The following GPR107 variants were observed in gnomAD, a reference collection of about 807,000 sequenced individuals.
The protein encoded by GPR107 is G protein-coupled receptor 107, also known as protein GPR107.
A neutral mutation model predicts 75.5 loss-of-function variants in GPR107; 31 were observed. The ratio of observed to expected loss-of-function variants is 0.41; its 90% confidence interval spans 0.31 to 0.55. The LOEUF is 0.55. Among genes scored for constraint, GPR107 ranks in the 20% least tolerant of loss-of-function variants. The pLI is 0.26. For synonymous variants in GPR107, 267 were observed against 251.3 expected (o/e 1.06, Z -0.59); for missense variants, 572 against 665.7 (o/e 0.86, Z 1.55).
chr9:130,099,489 C>T lies in GPR107; in HGVS notation c.896C>T (p.Ala299Val), dbSNP rs772249004. 5.0e-6 allele frequency: 8 copies of T among 1,601,722 alleles called. No individual in the cohort carries two copies. The highest frequency in any genetic ancestry group is 3.3e-5 in the Admixed American group (2 of 59,970). Residue 299 changes from alanine to valine, a missense_variant, in exon 10 of 18, where the codon GCG (alanine) becomes GTG (valine). Transcript: ENST00000347136. The part of the protein sequence containing the change: ...NDVFKIHWLM[A>V]ALPFTKSLSL... Reference sequence around the variant, plus strand: ...GTATTTAAAATCCACTGGCTGATGGCGGCCCTTCCTTTCACCAAGTCTCTT... The same window carrying T: ...GTATTTAAAATCCACTGGCTGATGGTGGCCCTTCCTTTCACCAAGTCTCTT...
chr9:130,106,596 AAAATAAAT>A (rs34201601), intron 13 of GPR107, among the ~76,000 whole-genome samples: 7 of 131,416 alleles, frequency 5.3e-5, no homozygotes, highest in South Asian at 2.6e-4. Context: ...ACTCTGTCTC[AAAATAAAT>A]AAATAAATAA....
intron 5 of GPR107, among the ~76,000 whole-genome samples, chr9:130,080,996 G>A (rs1830482984): frequency 6.7e-6 from 1 of 150,250 alleles, no homozygotes; most frequent in Non-Finnish European, 1.5e-5. Context: ...GATCACTTGA[G>A]TCTAGGAGCT....
chr9:130,058,194 C>G (rs1829838956), intron 1 of GPR107, among the ~76,000 whole-genome samples: 1 of 152,100 alleles, frequency 6.6e-6, no homozygotes, highest in Non-Finnish European at 1.5e-5. Flanking sequence ...CTTTTAAGAA[C>G]AACTTTATTG....
At chr9:130,104,968 A>ATT (rs1419144204) in intron 13 of GPR107, among the ~76,000 whole-genome samples, 1 of 152,180 alleles carries the variant, frequency 6.6e-6, no homozygotes, top group African/African-American at 2.4e-5. Flanking sequence ...GCACACAAAC[A>ATT]TTTTTGATGT....
At chr9:130,125,597 C>CTTTTTTTT (rs71387321) in intron 15 of GPR107, among the ~76,000 whole-genome samples, 1 of 103,136 alleles carries the variant, frequency 9.7e-6, no homozygotes, top group African/African-American at 3.8e-5. Context: ...ATCTGAGTTC[C>CTTTTTTTT]TTTTTTTTTT....
chr9:130,071,003 G>T (rs567268238), intron 1 of GPR107, among the ~76,000 whole-genome samples: 1 of 143,740 alleles, frequency 7.0e-6, no homozygotes, highest in African/African-American at 2.6e-5. Flanking sequence ...ATAGATGAGA[G>T]TCACCAGGCC....
intron 2 of GPR107, 84 bp downstream of exon 2, chr9:130,075,833 A>C: frequency 3.0e-6 from 2 of 671,896 alleles, no homozygotes; most frequent in South Asian, 3.4e-5. Flanking sequence ...CCCAGGCTGG[A>C]GTGCGGTGGC....
At chr9:130,121,207 C>CAAAAT (rs1175084704) in intron 14 of GPR107, among the ~76,000 whole-genome samples, 2 of 151,942 alleles carry the variant, frequency 1.3e-5, no homozygotes, top group Admixed American at 6.6e-5. Flanking sequence ...CAAAACAAAA[C>CAAAAT]AAAACAAAAC....
chr9:130,065,395 C>G (rs1830044047), intron 1 of GPR107, among the ~76,000 whole-genome samples: 1 of 151,574 alleles, frequency 6.6e-6, no homozygotes, highest in Admixed American at 6.6e-5. Flanking sequence ...CGAGATCGCA[C>G]CATTGCACTC....
rs1326054833 is a variant in GPR107 at position 130,137,900 on chromosome 9, C to T, written c.*2779C>T. 1.3e-5 allele frequency: 2 copies of T among 152,260 alleles called. No individual in the cohort carries two copies. Among genetic ancestry groups the T allele is most frequent in the South Asian group, 4.1e-4 (2 of 4,834 alleles). 9.4% of individuals were successfully genotyped at this position (152,260 alleles called of 1,614,324 possible). A position where few individuals can be genotyped will look rare whatever the true frequency, so the allele number is the denominator to read the frequency against. ...GTGGTATTTATAGCTTTGCTTTGTA[C>T]TCCTCACTGTTTCTGCCTACGCAAA... On this transcript the variant is annotated 3_prime_UTR_variant, in exon 18 of 18. Transcript: ENST00000347136.
In GPR107 at chr9:130,075,490, C is replaced by A. The variant is rs1830321435; in HGVS notation, c.142-146C>A. On this transcript the variant is annotated intron_variant, in intron 1 of 17. Coordinates refer to ENST00000347136, the MANE Select transcript of GPR107 (RefSeq NM_020960.5). ...CAAACTCCTGACCTCAGGTGATCCA[C>A]CCGCCTCAGTCTCCCAAAGTGGTGG... 7 of 528,486 alleles carry A rather than the reference C, an allele frequency of 1.3e-5. No individual in the cohort carries two copies. In the South Asian group the frequency reaches 1.5e-4, roughly 11 times the overall value. 32.7% of individuals were successfully genotyped at this position (528,486 alleles called of 1,614,324 possible).
At chr9:130,104,597 A>G (rs1484640059) in intron 13 of GPR107, 47 bp downstream of exon 13, 1 of 1,535,336 alleles carries the variant, frequency 6.5e-7, no homozygotes, top group East Asian at 2.2e-5. Flanking sequence ...TTGGCTGTCA[A>G]GCCCAATAGC....
intron 16 of GPR107, among the ~76,000 whole-genome samples, chr9:130,128,196 A>C (rs866613664): frequency 4.0e-4 from 61 of 152,340 alleles, no homozygotes; most frequent in Admixed American, 1.1e-3. Flanking sequence ...CCTTTCCTTT[A>C]GTTACAGGGC....
rs549052721 is a variant in GPR107 at position 130,094,680 on chromosome 9, T to TG, written c.863+2300dup. On this transcript the variant is annotated intron_variant, in intron 9 of 17. Transcript: ENST00000347136. The stretch of plus-strand genomic sequence containing the variant: ...TATTTTGTTTTGTTTTGTTTGTTTT[T>TG]GTTTTTTTTTGTTTTTTTGAGACAC... Among the ~76,000 whole-genome samples, 94 of 151,164 alleles carry TG rather than the reference T, an allele frequency of 6.2e-4. 1 individual carries two copies. Among genetic ancestry groups the TG allele is most frequent in the Non-Finnish European group, 1.0e-3 (69 of 67,766 alleles).
intron 1 of GPR107, among the ~76,000 whole-genome samples, chr9:130,064,708 A>G (rs7863473): frequency 3.3e-5 from 5 of 152,018 alleles, no homozygotes; most frequent in African/African-American, 9.7e-5. Context: ...TGCAGTTAAC[A>G]TTAGGTCATA....
intron 10 of GPR107, 99 bp from the exon 11 acceptor site, chr9:130,100,530 A>T: frequency 1.1e-6 from 1 of 896,506 alleles, no homozygotes. Flanking sequence ...ACCAAATGAC[A>T]ATGATTTGGA....
intron 17 of GPR107, among the ~76,000 whole-genome samples, chr9:130,132,146 A>G (rs781783574): frequency 2.0e-5 from 3 of 151,980 alleles, no homozygotes; most frequent in Non-Finnish European, 4.4e-5. Context: ...CAGCCGCCCA[A>G]AGTGCTGGGA....
intron 2 of GPR107, 36 bp downstream of exon 2, chr9:130,075,785 T>TC (rs1491077101): frequency 8.3e-6 from 2 of 241,532 alleles, no homozygotes; most frequent in Admixed American, 1.1e-4. Context: ...GGGTTTACTC[T>TC]TTTTTTTTTT....
In GPR107 at chr9:130,101,116, G is replaced by T; in HGVS notation, c.1024G>T (p.Ala342Ser). The change falls in exon 12 of 18, where the codon GCG becomes TCG. Residue 342 changes from alanine to serine, a missense_variant. Coordinates refer to ENST00000347136, the MANE Select transcript of GPR107 (RefSeq NM_020960.5). ...TGTTTTCTCTTCCAGTTTGAAAGGG[G>T]CGCTACTCTTCATCACCATTGCACT... ...VYYITHLLKG[A>S]LLFITIALIG... The T allele has an allele frequency of 6.3e-7, 1 of 1,595,866 alleles. No homozygotes were observed. The highest frequency in any genetic ancestry group is 8.6e-7 in the Non-Finnish European group (1 of 1,163,370).
Sources: allele counts gnomAD v4.1 joint callset (sites outside exome capture counted in the v4.1 genomes callset), GRCh38; gene constraint gnomAD v4.1.1; transcripts MANE v1.5; gene names NCBI Gene and HGNC (gene_info 2026-07-23, HGNC 2026-07-21).